AFF3: variants seen among roughly 807,000 people sequenced by gnomAD.
The protein encoded by AFF3 is AF4/FMR2 family member 3.
In AFF3, 32 loss-of-function variants were observed where a neutral mutation model predicts 129.7. That is an observed-to-expected ratio of 0.25 (90% CI 0.19 to 0.33). The LOEUF (loss-of-function observed/expected upper bound fraction) is 0.33. Ranked by LOEUF, AFF3 falls within the 10% of genes least tolerant of loss-of-function variation. The probability of loss-of-function intolerance (pLI) is 1.00; values close to 1 mark genes in which losing one functional copy is unlikely to be tolerated. For synonymous variants in AFF3, 644 were observed against 635.4 expected, an observed-to-expected ratio of 1.01 and a Z score of -0.20; for missense variants, 1,373 against 1,592.0, an observed-to-expected ratio of 0.86 and a Z score of 2.34.
At chr2:99,694,938 C>T (rs1676050775) in intron 11 of AFF3, among the ~76,000 whole-genome samples, 1 of 152,048 alleles carries the variant, frequency 6.6e-6, no homozygotes, top group East Asian at 1.9e-4. Flanking sequence ...ATCCTGACCT[C>T]GTGATCCACC....
chr2:99,550,820 A>T lies in AFF3; in HGVS notation c.*654T>A, dbSNP rs1457203414. The T allele has an allele frequency of 8.5e-6, 2 of 235,328 alleles. No homozygotes were observed. Among genetic ancestry groups the T allele is most frequent in the Non-Finnish European group, 1.7e-5 (2 of 119,578 alleles). The allele number at this position is 235,328 out of a possible 1,614,324, so 14.6% of individuals were successfully genotyped here. A position where few individuals can be genotyped will look rare whatever the true frequency, so the allele number is the denominator to read the frequency against. ...CTGGAATGCATTTAGTTGATAATAG[A>T]GTCAGATGGGGGAAGGGAATTAGAG... On this transcript the variant is annotated 3_prime_UTR_variant, in exon 25 of 25. Coordinates refer to ENST00000672756, the MANE Select transcript of AFF3 (RefSeq NM_001386135.1).
chr2:99,821,418 T>C (rs895038568), intron 8 of AFF3, among the ~76,000 whole-genome samples: 4 of 151,930 alleles, frequency 2.6e-5, no homozygotes, highest in Admixed American at 6.6e-5. Context: ...AAGAACAAAA[T>C]TGTCTTGGGT....
intron 18 of AFF3, among the ~76,000 whole-genome samples, chr2:99,571,178 G>A (rs1676441602): frequency 6.6e-6 from 1 of 152,146 alleles, no homozygotes; most frequent in African/African-American, 2.4e-5. Context: ...AGAAAAGAGT[G>A]GTGCCTTCCG....
intron 13 of AFF3, among the ~76,000 whole-genome samples, chr2:99,637,372 G>C (rs958722289): frequency 6.6e-6 from 1 of 152,262 alleles, no homozygotes; most frequent in Non-Finnish European, 1.5e-5. Context: ...CATGAGTGAT[G>C]AAGACAGTGG....
chr2:99,728,542 A>C (rs566448010), intron 10 of AFF3, among the ~76,000 whole-genome samples: 3 of 152,322 alleles, frequency 2.0e-5, no homozygotes, highest in Non-Finnish European at 4.4e-5. Flanking sequence ...TCAAAAGCAA[A>C]CTTTATATGT....
intron 2 of AFF3, chr2:100,106,156 C>T: frequency 8.2e-7 from 1 of 1,220,260 alleles, no homozygotes; most frequent in Non-Finnish European, 1.1e-6. Context: ...CTCCCTTCTT[C>T]CCCCAGCTCT....
At chr2:99,772,199 G>A (rs796475707) in intron 8 of AFF3, among the ~76,000 whole-genome samples, 5 of 152,212 alleles carry the variant, frequency 3.3e-5, no homozygotes, top group African/African-American at 1.2e-4. Context: ...AAAGAGTGAC[G>A]ATGAGCCCCG....
chr2:99,587,233 C>T lies in AFF3; in HGVS notation c.2512G>A (p.Glu838Lys). The change falls in exon 16 of 25, where the codon GAG becomes AAG. Residue 838 changes from glutamate to lysine, a missense_variant. By Grantham distance (56) the Glu-to-Lys change is moderately conservative. Around this residue, in one of 9 missense-constraint regions of AFF3, gnomAD observed 466 missense variants for 505.0 expected, o/e 0.92. Transcript: ENST00000672756. Reference sequence around the variant, plus strand: ...GCCAGTCTTGAAGAGCTGTCTTTCTCTCCCTGGGACTTCTTGATCTCCCTG... The same window carrying T: ...GCCAGTCTTGAAGAGCTGTCTTTCTTTCCCTGGGACTTCTTGATCTCCCTG... Reference protein sequence around the residue: ...DYREIKKSQGEKDSSSRLATS... With the variant: ...DYREIKKSQGKKDSSSRLATS... 2 of 1,614,208 alleles carry T rather than the reference C, an allele frequency of 1.2e-6. No homozygotes were observed. Among genetic ancestry groups the T allele is most frequent in the Non-Finnish European group, 1.7e-6 (2 of 1,180,024 alleles).
chr2:99,827,114 T>A (rs1317975143), intron 8 of AFF3, among the ~76,000 whole-genome samples: 1 of 152,118 alleles, frequency 6.6e-6, no homozygotes, highest in Non-Finnish European at 1.5e-5. Flanking sequence ...CAGGTGTCCA[T>A]GACACATCTA....
At chr2:99,962,675 G>A (rs753061249) in intron 7 of AFF3, among the ~76,000 whole-genome samples, 11 of 151,936 alleles carry the variant, frequency 7.2e-5, no homozygotes, top group Admixed American at 1.3e-4. Context: ...CAGAATCAGT[G>A]AACCTGAAGA....
intron 11 of AFF3, among the ~76,000 whole-genome samples, chr2:99,688,016 G>C (rs1361320872): frequency 6.6e-6 from 1 of 152,068 alleles, no homozygotes; most frequent in East Asian, 1.9e-4. Flanking sequence ...CTAATTTTTT[G>C]TATTTTTAGT....
At chr2:99,666,127 T>A (rs1460203872) in intron 12 of AFF3, among the ~76,000 whole-genome samples, 1 of 152,082 alleles carries the variant, frequency 6.6e-6, no homozygotes. Flanking sequence ...GGTGCAGATG[T>A]GGTATTGAGA....
At chr2:100,012,404 T>C (rs897237259) in intron 4 of AFF3, among the ~76,000 whole-genome samples, 2 of 152,142 alleles carry the variant, frequency 1.3e-5, no homozygotes, top group Non-Finnish European at 2.9e-5. Flanking sequence ...CCACATATCA[T>C]TTCATGGCTA....
At chr2:99,962,445 T>C (rs1458882069) in intron 7 of AFF3, among the ~76,000 whole-genome samples, 1 of 152,220 alleles carries the variant, frequency 6.6e-6, no homozygotes, top group Non-Finnish European at 1.5e-5. Context: ...AATGCTGAGA[T>C]GATCAGTGTT....
In AFF3 at chr2:99,825,006, G is replaced by A. The variant is rs115095067; in HGVS notation, c.921+12471C>T. On this transcript the variant is annotated intron_variant, in intron 8 of 24. Transcript: ENST00000672756. ...AACAAAACAACATGCAAATAAATAT[G>A]GGAGCATGCTGGAAGAGTTCTGGAA... Among the ~76,000 whole-genome samples the A allele has an allele frequency of 3.2e-3, 489 of 152,286 alleles. 4 individuals carry two copies. The highest frequency in any genetic ancestry group is 0.011 in the African/African-American group (464 of 41,548).
intron 8 of AFF3, among the ~76,000 whole-genome samples, chr2:99,790,396 A>G (rs571031382): frequency 6.6e-6 from 1 of 152,380 alleles, no homozygotes; most frequent in Admixed American, 6.5e-5. Flanking sequence ...TCTTTGAATG[A>G]AATACACTAC....
intron 13 of AFF3, among the ~76,000 whole-genome samples, chr2:99,642,237 T>C (rs958148578): frequency 2.0e-5 from 3 of 152,156 alleles, no homozygotes; most frequent in East Asian, 1.9e-4. Context: ...TCTTTTGTTA[T>C]TGAGTTCTAA....
At chr2:99,829,118 C>T (rs1183525357) in intron 8 of AFF3, among the ~76,000 whole-genome samples, 1 of 152,136 alleles carries the variant, frequency 6.6e-6, no homozygotes, top group African/African-American at 2.4e-5. Flanking sequence ...CGAACTTCTC[C>T]ATAAGGTCCA....
intron 13 of AFF3, among the ~76,000 whole-genome samples, chr2:99,606,694 G>A (rs1680374549): frequency 6.6e-6 from 1 of 151,894 alleles, no homozygotes. Context: ...GAGGCGGGAG[G>A]ATCACGAAGT....
Sources: allele counts gnomAD v4.1 joint callset (sites outside exome capture counted in the v4.1 genomes callset), GRCh38; gene constraint gnomAD v4.1.1; regional missense constraint gnomAD v4.1.1; transcripts MANE v1.5; gene names NCBI Gene and HGNC (gene_info 2026-07-23, HGNC 2026-07-21).